Variants in COL25A1 observed in about 807,000 individuals in gnomAD.
COL25A1 encodes the protein collagen type XXV alpha 1 chain.
A neutral mutation model predicts 128.4 loss-of-function variants in COL25A1; 103 were observed. That is an observed-to-expected ratio of 0.80 (90% CI 0.68 to 0.94). COL25A1 has a LOEUF of 0.94. Ranked by LOEUF, COL25A1 falls within the 40% of genes least tolerant of loss-of-function variation. The pLI, the probability that COL25A1 is intolerant of heterozygous loss-of-function variation, is 0.00. For missense variants in COL25A1, 745 were observed against 840.0 expected, an observed-to-expected ratio of 0.89 and a Z score of 1.40; for synonymous variants, 279 against 277.2, an observed-to-expected ratio of 1.01 and a Z score of -0.06.
chr4:109,205,402 C>T (rs1182468450), intron 3 of COL25A1, among the ~76,000 whole-genome samples: 1 of 152,068 alleles, frequency 6.6e-6, no homozygotes, highest in Non-Finnish European at 1.5e-5. Flanking sequence ...GATGCGGACA[C>T]GGGACTAATT....
intron 3 of COL25A1, among the ~76,000 whole-genome samples, chr4:109,269,958 AAGACAAAAACCAC>A (rs1324296590): frequency 6.6e-6 from 1 of 152,168 alleles, no homozygotes; most frequent in Non-Finnish European, 1.5e-5. Flanking sequence ...AACAGAGCCA[AAGACAAAAACCAC>A]ATGATTATCT....
chr4:109,249,362 T>C (rs1780495768), intron 3 of COL25A1, among the ~76,000 whole-genome samples: 1 of 152,136 alleles, frequency 6.6e-6, no homozygotes, highest in Non-Finnish European at 1.5e-5. Context: ...CAGAACATAA[T>C]GTAGTTCTTT....
At chr4:109,284,860 C>A (rs531453149) in intron 3 of COL25A1, among the ~76,000 whole-genome samples, 2 of 145,120 alleles carry the variant, frequency 1.4e-5, no homozygotes, top group Non-Finnish European at 1.5e-5. Context: ...AAAACCTATA[C>A]AATAAAGAGT....
intron 3 of COL25A1, among the ~76,000 whole-genome samples, chr4:109,295,271 G>A (rs1330800309): frequency 1.3e-5 from 2 of 152,054 alleles, no homozygotes; most frequent in African/African-American, 2.4e-5. Context: ...CACTTTGGGT[G>A]ACTGGGCATT....
At chr4:108,873,301 A>G (rs1322172586) in intron 19 of COL25A1, among the ~76,000 whole-genome samples, 1 of 152,204 alleles carries the variant, frequency 6.6e-6, no homozygotes, top group South Asian at 2.1e-4. Flanking sequence ...CAAAAAGTTC[A>G]AGAACTGCTA....
chr4:109,254,871 A>T (rs1038693666), intron 3 of COL25A1, among the ~76,000 whole-genome samples: 1 of 152,150 alleles, frequency 6.6e-6, no homozygotes, highest in Non-Finnish European at 1.5e-5. Context: ...ATGTCTCTAG[A>T]TATCTCTCCA....
chr4:109,262,595 A>G (rs1217450425), intron 3 of COL25A1, among the ~76,000 whole-genome samples: 1 of 152,120 alleles, frequency 6.6e-6, no homozygotes, highest in Non-Finnish European at 1.5e-5. Flanking sequence ...GCATTATACT[A>G]TATGTTAAGA....
intron 3 of COL25A1, among the ~76,000 whole-genome samples, chr4:109,285,003 C>A (rs1723736928): frequency 1.3e-5 from 2 of 151,936 alleles, no homozygotes; most frequent in African/African-American, 4.8e-5. Flanking sequence ...GCTTAGTTAG[C>A]AGTATAGTTT....
intron 3 of COL25A1, among the ~76,000 whole-genome samples, chr4:109,195,473 T>A (rs1775961969): frequency 6.6e-6 from 1 of 152,226 alleles, no homozygotes; most frequent in Non-Finnish European, 1.5e-5. Flanking sequence ...GCACTTCACA[T>A]GTTGTAAAAC....
chr4:109,064,065 T>A (rs534673827), intron 3 of COL25A1, among the ~76,000 whole-genome samples: 19 of 152,164 alleles, frequency 1.2e-4, no homozygotes, highest in African/African-American at 4.6e-4. Context: ...ATTTAGGAGG[T>A]GAATACAACA....
chr4:109,227,606 T>C (rs1468502576), intron 3 of COL25A1, among the ~76,000 whole-genome samples: 2 of 152,198 alleles, frequency 1.3e-5, no homozygotes, highest in Non-Finnish European at 2.9e-5. Context: ...ATTAATTAGC[T>C]TTTAAATTTT....
chr4:109,118,741 T>C (rs530159120), intron 3 of COL25A1, among the ~76,000 whole-genome samples: 3 of 152,100 alleles, frequency 2.0e-5, no homozygotes, highest in African/African-American at 4.8e-5. Flanking sequence ...CAAAAACTGA[T>C]AGAATTGCAA....
intron 3 of COL25A1, among the ~76,000 whole-genome samples, chr4:109,129,486 T>C (rs1768961271): frequency 6.6e-6 from 1 of 152,180 alleles, no homozygotes; most frequent in African/African-American, 2.4e-5. Context: ...CCAATCATTG[T>C]GCTCAAATCT....
chr4:108,906,272 C>T (rs1330028670), intron 13 of COL25A1, among the ~76,000 whole-genome samples: 1 of 152,110 alleles, frequency 6.6e-6, no homozygotes, highest in Non-Finnish European at 1.5e-5. Context: ...GTGTGGAAAG[C>T]AGCCACCTGC....
intron 5 of COL25A1, chr4:109,021,912 G>A (rs372784027): frequency 5.5e-6 from 2 of 361,464 alleles, no homozygotes; most frequent in African/African-American, 2.1e-5. Flanking sequence ...AATTTGAGGT[G>A]AGACCGGTTC....
chr4:109,174,210 C>T (rs1038367723), intron 3 of COL25A1, among the ~76,000 whole-genome samples: 5 of 152,116 alleles, frequency 3.3e-5, no homozygotes, highest in Non-Finnish European at 1.5e-5. Context: ...CATTAAAAGT[C>T]TGTGAATACA....
At chr4:109,085,862 C>T (rs796967262) in intron 3 of COL25A1, among the ~76,000 whole-genome samples, 49 of 152,266 alleles carry the variant, frequency 3.2e-4, no homozygotes, top group African/African-American at 1.1e-3. Context: ...AAATGATAGC[C>T]TATACGAATC....
chr4:108,892,609 T>C (rs1487545753), intron 16 of COL25A1, among the ~76,000 whole-genome samples: 2 of 152,208 alleles, frequency 1.3e-5, no homozygotes, highest in Non-Finnish European at 2.9e-5. Context: ...AGTGCAAAAA[T>C]ATTATTGATG....
chr4:108,868,828 G>A (rs1738293682), intron 20 of COL25A1, among the ~76,000 whole-genome samples: 1 of 133,964 alleles, frequency 7.5e-6, no homozygotes, highest in African/African-American at 2.8e-5. Flanking sequence ...AAGGAAGGAA[G>A]GAATGAAGGA....
Sources: gnomAD v4.1 joint callset for allele counts (sites outside exome capture counted in the v4.1 genomes callset) on GRCh38, gnomAD v4.1.1 for gene constraint, MANE v1.5 for transcripts, NCBI Gene and HGNC (gene_info 2026-07-23, HGNC 2026-07-21) for gene names.